Variants in ATRN observed in about 807,000 individuals in gnomAD.
ATRN encodes the protein attractin-2.
Under a neutral mutation model 178.7 loss-of-function variants are expected in ATRN, and 54 were observed. That is an observed-to-expected ratio of 0.30 (90% confidence interval 0.24 to 0.38). The LOEUF (loss-of-function observed/expected upper bound fraction) is 0.38. ATRN is among the 10% of genes least tolerant of loss of function. The pLI is 1.00. For synonymous variants in ATRN, 636 were observed against 663.0 expected, an observed-to-expected ratio of 0.96 and a Z score of 0.63; for missense variants, 1,443 against 1,815.1, an observed-to-expected ratio of 0.79 and a Z score of 3.73.
At chr20:3,559,284 C>A in intron 6 of ATRN, 109 bp from the exon 7 acceptor site, 1 of 829,560 alleles carries the variant, frequency 1.2e-6, no homozygotes, top group Non-Finnish European at 2.0e-6. Flanking sequence ...CCCCCTACAT[C>A]CATGGTGGAT....
At chr20:3,642,125 A>G (rs235558) in intron 27 of ATRN, among the ~76,000 whole-genome samples, 22,257 of 152,146 alleles carry the variant, frequency 0.15, 1,777 homozygotes, top group Non-Finnish European at 0.18. Flanking sequence ...TCTTTGCTCA[A>G]TCCTCTTCAT....
intron 1 of ATRN, among the ~76,000 whole-genome samples, chr20:3,493,469 T>C (rs548449304): frequency 6.6e-6 from 1 of 152,002 alleles, no homozygotes; most frequent in Admixed American, 6.6e-5. Flanking sequence ...CCTATTTTTA[T>C]TTTTTTGTAG....
intron 1 of ATRN, among the ~76,000 whole-genome samples, chr20:3,526,779 A>G (rs2085371227): frequency 6.6e-6 from 1 of 152,220 alleles, no homozygotes; most frequent in Non-Finnish European, 1.5e-5. Flanking sequence ...AACGCCACAC[A>G]TCTGCAACCA....
intron 25 of ATRN, chr20:3,629,121 C>T (rs2086969840): frequency 2.0e-6 from 2 of 985,224 alleles, no homozygotes; most frequent in South Asian, 4.7e-5. Context: ...CGTCAGTGCA[C>T]TCTCCACCTC....
At chr20:3,486,635 G>A (rs943833896) in intron 1 of ATRN, among the ~76,000 whole-genome samples, 4 of 152,040 alleles carry the variant, frequency 2.6e-5, no homozygotes, top group African/African-American at 7.2e-5. Context: ...GTCCGCCTTG[G>A]CCTCCCAAAG....
chr20:3,535,482 A>T (rs1421026739), intron 2 of ATRN, 146 bp downstream of exon 2: 1 of 355,904 alleles, frequency 2.8e-6, no homozygotes, highest in Non-Finnish European at 5.2e-6. Context: ...AGTGAATTTT[A>T]TCTTAGCCTT....
At chr20:3,637,281 A>G (rs2087032301) in intron 26 of ATRN, among the ~76,000 whole-genome samples, 1 of 152,198 alleles carries the variant, frequency 6.6e-6, no homozygotes, top group Non-Finnish European at 1.5e-5. Flanking sequence ...TTTAAAAACA[A>G]TAGTAGTAGC....
At chr20:3,620,097 C>T (rs1250783178) in intron 24 of ATRN, among the ~76,000 whole-genome samples, 3 of 152,158 alleles carry the variant, frequency 2.0e-5, no homozygotes. Context: ...CTCCCTCCCA[C>T]TCCCCAAAAG....
intron 25 of ATRN, among the ~76,000 whole-genome samples, chr20:3,626,397 TAAAAA>T (rs10526933): frequency 0.47 from 71,626 of 151,450 alleles, 18,762 homozygotes; most frequent in African/African-American, 0.71. Context: ...TTTTCTCTCT[TAAAAA>T]GAAAAGTATA....
chr20:3,527,882 C>T (rs1020943338), intron 1 of ATRN, among the ~76,000 whole-genome samples: 4 of 146,844 alleles, frequency 2.7e-5, no homozygotes, highest in African/African-American at 5.1e-5. Context: ...AACACATGAA[C>T]ACAGGGAGGG....
rs192232805 is a variant in ATRN at position 3,541,489 on chromosome 20, A to G, written c.608+1154A>G. Among the ~76,000 whole-genome samples the G allele has an allele frequency of 2.6e-5, 4 of 152,216 alleles. No individual in the cohort carries two copies. The East Asian group carries it at 5.8e-4, about 22-fold the overall frequency. ...AAACATTATAGGGTATATTCATACA[A>G]ATAGATGGTATAGCCTACTGTACAC... On this transcript the variant is annotated intron_variant, in intron 3 of 28. Coordinates refer to ENST00000262919, the MANE Select transcript of ATRN (RefSeq NM_139321.3).
intron 1 of ATRN, among the ~76,000 whole-genome samples, chr20:3,533,726 A>G (rs1263899790): frequency 6.6e-6 from 1 of 152,138 alleles, no homozygotes; most frequent in Non-Finnish European, 1.5e-5. Flanking sequence ...TGGTTAGTCC[A>G]TTACTATTTA....
At chr20:3,509,140 G>A (rs761692912) in intron 1 of ATRN, among the ~76,000 whole-genome samples, 9 of 152,190 alleles carry the variant, frequency 5.9e-5, no homozygotes, top group Non-Finnish European at 7.3e-5. Context: ...TTTAATGCCA[G>A]TTATGTCAGC....
chr20:3,507,251 CA>C lies in ATRN; in HGVS notation c.411-27994del, dbSNP rs560007002. Among the ~76,000 whole-genome samples, 5 of 151,066 alleles carry C rather than the reference CA, an allele frequency of 3.3e-5. No homozygotes were observed. The East Asian group carries it at 5.9e-4, about 18-fold the overall frequency. On this transcript the variant is annotated intron_variant, in intron 1 of 28. Coordinates refer to ENST00000262919, the MANE Select transcript of ATRN (RefSeq NM_139321.3). ...GAAACCCTGTCTCTACTAAAAAATACAAAAAAAATTTAGCCGGGCATGGTGG... is the reference window on the plus strand; with the variant it reads ...GAAACCCTGTCTCTACTAAAAAATACAAAAAAATTTAGCCGGGCATGGTGG...
chr20:3,639,128 G>T (rs1204331493), intron 27 of ATRN, among the ~76,000 whole-genome samples, 193 bp downstream of exon 27: 2 of 152,102 alleles, frequency 1.3e-5, no homozygotes, highest in African/African-American at 4.8e-5. Context: ...GTTTCATGTC[G>T]CTGAGCAGTC....
At chr20:3,516,095 A>G (rs1015764839) in intron 1 of ATRN, among the ~76,000 whole-genome samples, 1 of 152,360 alleles carries the variant, frequency 6.6e-6, no homozygotes. Flanking sequence ...AAGAAAGTAG[A>G]TATGAAACAA....
chr20:3,603,663 A>G (rs1018577064), intron 23 of ATRN, among the ~76,000 whole-genome samples: 1 of 151,804 alleles, frequency 6.6e-6, no homozygotes, highest in Non-Finnish European at 1.5e-5. Flanking sequence ...CTAATTTTGT[A>G]TTTTTAGTAG....
intron 14 of ATRN, among the ~76,000 whole-genome samples, chr20:3,578,354 C>G (rs1206404276): frequency 6.6e-6 from 1 of 152,144 alleles, no homozygotes; most frequent in South Asian, 2.1e-4. Context: ...GATAAGTGAC[C>G]TCAGAATATG....
intron 1 of ATRN, among the ~76,000 whole-genome samples, chr20:3,516,849 G>A (rs1166042988): frequency 6.6e-6 from 1 of 152,050 alleles, no homozygotes; most frequent in Non-Finnish European, 1.5e-5. Context: ...GCATTCCATG[G>A]TGTATATGTG....
Sources: gnomAD v4.1 joint callset for allele counts (sites outside exome capture counted in the v4.1 genomes callset) on GRCh38, gnomAD v4.1.1 for gene constraint, MANE v1.5 for transcripts, NCBI Gene and HGNC (gene_info 2026-07-23, HGNC 2026-07-21) for gene names.